The following ANKFY1 variants were observed in gnomAD, a reference collection of about 807,000 sequenced individuals.
ANKFY1 encodes the protein ankyrin repeat and FYVE domain-containing protein 1.
In ANKFY1, 47 loss-of-function variants were observed where a neutral mutation model predicts 128.3. The ratio of observed to expected loss-of-function variants is 0.37; its 90% CI spans 0.29 to 0.47. ANKFY1 has a LOEUF of 0.47. Among genes scored for constraint, ANKFY1 ranks in the 20% least tolerant of loss-of-function variants. ANKFY1 has a pLI of 1.00. For synonymous variants in ANKFY1, 553 were observed against 601.6 expected (o/e 0.92, Z 1.18); for missense variants, 1,222 against 1,510.6 (o/e 0.81, Z 3.17).
chr17:4,240,800 C>T (rs1359356601), intron 2 of ANKFY1, among the ~76,000 whole-genome samples: 1 of 152,180 alleles, frequency 6.6e-6, no homozygotes, highest in Non-Finnish European at 1.5e-5. Context: ...CCTGAGCATC[C>T]TAATGCAATC....
chr17:4,252,037 A>G (rs989202772), intron 1 of ANKFY1, among the ~76,000 whole-genome samples: 1 of 150,888 alleles, frequency 6.6e-6, no homozygotes, highest in African/African-American at 2.5e-5. Flanking sequence ...CCGTCTTAAA[A>G]AAAAAAAAAA....
chr17:4,220,777 G>A (rs573308330), intron 3 of ANKFY1, among the ~76,000 whole-genome samples: 8 of 152,360 alleles, frequency 5.3e-5, no homozygotes, highest in Admixed American at 2.6e-4. Flanking sequence ...AGTGTGTGCT[G>A]CAACTGGGTA....
intron 14 of ANKFY1, 101 bp downstream of exon 14, chr17:4,183,297 C>T: frequency 7.1e-7 from 1 of 1,418,308 alleles, no homozygotes; most frequent in Non-Finnish European, 9.7e-7. Flanking sequence ...TTTCCTCTAA[C>T]TAATATGAAA....
intron 3 of ANKFY1, among the ~76,000 whole-genome samples, chr17:4,227,952 C>T (rs1054003440): frequency 6.6e-6 from 1 of 152,078 alleles, no homozygotes; most frequent in South Asian, 2.1e-4. Context: ...TTTTGCAAGA[C>T]AGTTTGGTAG....
intron 1 of ANKFY1, among the ~76,000 whole-genome samples, chr17:4,248,490 T>C (rs1649145543): frequency 6.6e-6 from 1 of 152,224 alleles, no homozygotes; most frequent in African/African-American, 2.4e-5. Context: ...TGGGGACCAC[T>C]GTCAGAGAAG....
At chr17:4,212,452 G>A (rs1294030134) in intron 4 of ANKFY1, among the ~76,000 whole-genome samples, 1 of 152,196 alleles carries the variant, frequency 6.6e-6, no homozygotes, top group East Asian at 1.9e-4. Flanking sequence ...TGTCAAGATG[G>A]AGGAGAACTA....
intron 3 of ANKFY1, among the ~76,000 whole-genome samples, chr17:4,234,109 C>T (rs532982042): frequency 2.0e-5 from 3 of 152,286 alleles, no homozygotes; most frequent in South Asian, 4.1e-4. Context: ...TACAGTTACA[C>T]AGAACATGCT....
intron 16 of ANKFY1, among the ~76,000 whole-genome samples, chr17:4,180,653 G>A (rs946419700): frequency 1.4e-5 from 2 of 147,934 alleles, no homozygotes; most frequent in Non-Finnish European, 3.0e-5. Flanking sequence ...TGTAGTCCCA[G>A]GGCTGAGGCA....
intron 12 of ANKFY1, 116 bp downstream of exon 12, chr17:4,184,702 G>T: frequency 1.8e-6 from 2 of 1,129,222 alleles, no homozygotes; most frequent in East Asian, 2.5e-5. Flanking sequence ...GATTTTTTGG[G>T]GGTAAGAAAC....
intron 3 of ANKFY1, among the ~76,000 whole-genome samples, chr17:4,225,595 T>C (rs903699878): frequency 2.2e-4 from 33 of 152,214 alleles, no homozygotes; most frequent in African/African-American, 7.7e-4. Context: ...TAACTGATTA[T>C]AGCTAAAAAT....
chr17:4,247,894 T>C (rs1967634686), intron 1 of ANKFY1, among the ~76,000 whole-genome samples: 1 of 152,212 alleles, frequency 6.6e-6, no homozygotes, highest in African/African-American at 2.4e-5. Flanking sequence ...GAATACAACC[T>C]GCTCTGCAGT....
At position 4,194,949 on chromosome 17, in the gene ANKFY1, G is replaced by A. The variant is rs373639802; in HGVS notation, c.1372+29C>T. The A allele has an allele frequency of 2.2e-5, 36 of 1,613,338 alleles. No homozygotes were observed. In the Middle Eastern group the frequency reaches 5.0e-4, roughly 22 times the overall value. The stretch of plus-strand genomic sequence containing the variant: ...TTTCCTGGCGCCTGCAGACCCCAGC[G>A]TCGCCCCTTCGGGAGGCACGTGCTT... On this transcript the variant is annotated intron_variant, in intron 10 of 24. Transcript: ENST00000341657.
intron 7 of ANKFY1, 89 bp downstream of exon 7, chr17:4,206,232 G>A: frequency 2.1e-6 from 3 of 1,441,016 alleles, no homozygotes; most frequent in Admixed American, 1.8e-5. Flanking sequence ...AAGCCTTTGA[G>A]AATTTTGGGA....
chr17:4,253,901 T>A (rs952940927), intron 1 of ANKFY1, among the ~76,000 whole-genome samples: 5 of 152,150 alleles, frequency 3.3e-5, no homozygotes, highest in Non-Finnish European at 7.4e-5. Flanking sequence ...AATATCCTAA[T>A]CCCTGGAACC....
intron 2 of ANKFY1, among the ~76,000 whole-genome samples, chr17:4,241,597 T>C (rs1362238453): frequency 6.6e-6 from 1 of 151,978 alleles, no homozygotes; most frequent in Non-Finnish European, 1.5e-5. Flanking sequence ...AGAAGCTGTA[T>C]GACTCCAGAG....
At chr17:4,222,768 T>C (rs919206371) in intron 3 of ANKFY1, 4 of 993,764 alleles carry the variant, frequency 4.0e-6, no homozygotes, top group African/African-American at 1.6e-5. Context: ...ATTAGCTGTT[T>C]TGCACCTTCA....
chr17:4,198,133 A>C (rs1360316996), intron 7 of ANKFY1, among the ~76,000 whole-genome samples: 1 of 151,794 alleles, frequency 6.6e-6, no homozygotes. Flanking sequence ...CCGTCTTAAA[A>C]AAAAAAAAAA....
chr17:4,181,437 T>G lies in ANKFY1; in HGVS notation c.2122-65A>C, dbSNP rs2059514922. Reference sequence around the variant, plus strand: ...AAAGGCAAACAGTTTTATTACCAAGTCTGAGCTCTATGTATAGCATTAAAT... The same window carrying G: ...AAAGGCAAACAGTTTTATTACCAAGGCTGAGCTCTATGTATAGCATTAAAT... On this transcript the variant is annotated intron_variant, in intron 15 of 24. Transcript: ENST00000341657. The surrounding 1 kb of genome is among the most constrained non-coding windows in gnomAD (Gnocchi z 4.9). 72 of 1,152,808 alleles carry G rather than the reference T, an allele frequency of 6.2e-5. 2 individuals are homozygous for G. In the South Asian group the frequency reaches 8.4e-4, roughly 14 times the overall value. 71.4% of individuals were successfully genotyped at this position (1,152,808 alleles called of 1,614,324 possible).
rs889583072 is a variant in ANKFY1 at position 4,164,106 on chromosome 17, G to C, written c.*3673C>G. ...TGATCCACCCAAATGTGTGCCTGCA[G>C]TTTCTGCCCAGCTACTGCCCCTCCT... On this transcript the variant is annotated 3_prime_UTR_variant, in exon 25 of 25. Transcript: ENST00000341657. 9.8e-5 allele frequency: 15 copies of C among 152,748 alleles called. No individual in the cohort carries two copies. The highest frequency in any genetic ancestry group is 2.6e-4 in the African/African-American group (11 of 41,588). 9.5% of individuals were successfully genotyped at this position (152,748 alleles called of 1,614,324 possible).
Sources: allele counts gnomAD v4.1 joint callset (sites outside exome capture counted in the v4.1 genomes callset), GRCh38; gene constraint gnomAD v4.1.1; non-coding constraint Gnocchi (gnomAD v3.1); transcripts MANE v1.5; gene names NCBI Gene and HGNC (gene_info 2026-07-23, HGNC 2026-07-21).